The following ITGB3 variants were observed in gnomAD, a reference collection of about 807,000 sequenced individuals.
ITGB3 encodes the protein integrin beta-3.
ITGB3 carries 48 observed loss-of-function variants against 85.8 expected under a neutral mutation model. The observed-to-expected ratio is 0.56, with a 90% confidence interval of 0.44 to 0.71. ITGB3 has a LOEUF of 0.71. Among genes scored for constraint, ITGB3 ranks in the 30% least tolerant of loss-of-function variants. ITGB3 has a pLI of 0.00. For missense variants in ITGB3, 861 were observed against 1,019.1 expected, an observed-to-expected ratio of 0.84 and a Z score of 2.11; for synonymous variants, 363 against 395.6, an observed-to-expected ratio of 0.92 and a Z score of 0.98.
intron 14 of ITGB3, among the ~76,000 whole-genome samples, chr17:47,308,542 C>T (rs888642816): frequency 6.6e-6 from 1 of 152,140 alleles, no homozygotes; most frequent in Non-Finnish European, 1.5e-5. Context: ...GAGTCTTGCT[C>T]TGTCACCCAG....
rs2065221631 is a variant in ITGB3 at position 47,312,995 on chromosome 17, C to A, written c.*2791C>A. ...CCATGATTTTTTTTTTAATTTGAGA[C>A]AAAGCCTCACTCTTGTTGCCCAAGC... On this transcript the variant is annotated 3_prime_UTR_variant, in exon 15 of 15. Coordinates refer to ENST00000559488, the MANE Select transcript of ITGB3 (RefSeq NM_000212.3). Among the ~76,000 whole-genome samples, 2 of 152,042 alleles carry A rather than the reference C, an allele frequency of 1.3e-5. No homozygotes were observed. The highest frequency in any genetic ancestry group is 1.3e-4 in the Admixed American group (2 of 15,262).
chr17:47,268,139 C>A (rs1424789167), intron 1 of ITGB3, among the ~76,000 whole-genome samples: 1 of 152,166 alleles, frequency 6.6e-6, no homozygotes, highest in Non-Finnish European at 1.5e-5. Flanking sequence ...TAACTGCCCC[C>A]ATGATTCAAT....
chr17:47,288,039 C>T (rs1025599050), intron 6 of ITGB3, among the ~76,000 whole-genome samples: 2 of 148,812 alleles, frequency 1.3e-5, no homozygotes, highest in Non-Finnish European at 3.0e-5. Flanking sequence ...GCTGGGACCA[C>T]AGGCATGCAC....
intron 1 of ITGB3, among the ~76,000 whole-genome samples, chr17:47,266,647 A>C (rs1255548885): frequency 6.6e-6 from 1 of 152,118 alleles, no homozygotes; most frequent in East Asian, 1.9e-4. Context: ...GCACAATCAC[A>C]GCTCACTGCA....
chr17:47,261,357 T>C (rs143734660), intron 1 of ITGB3, among the ~76,000 whole-genome samples: 49 of 152,292 alleles, frequency 3.2e-4, no homozygotes, highest in African/African-American at 1.1e-3. Flanking sequence ...CTCAGAAATA[T>C]AATGCAGAAA....
chr17:47,262,854 T>C (rs1176317525), intron 1 of ITGB3, among the ~76,000 whole-genome samples: 1 of 152,218 alleles, frequency 6.6e-6, no homozygotes, highest in Non-Finnish European at 1.5e-5. Flanking sequence ...TGAACATTTA[T>C]TGAGCATCCA....
intron 10 of ITGB3, among the ~76,000 whole-genome samples, chr17:47,295,287 C>T (rs2065141322): frequency 6.6e-6 from 1 of 152,064 alleles, no homozygotes; most frequent in African/African-American, 2.4e-5. Flanking sequence ...AGAGGAGGGG[C>T]AGGCTCAGGA....
rs938029244 is a variant in ITGB3, at chr17:47,307,703, T to G, written c.2301+66T>G. On this transcript the variant is annotated intron_variant, in intron 14 of 14. Coordinates refer to ENST00000559488, the MANE Select transcript of ITGB3 (RefSeq NM_000212.3). ...GAGACTCTTAAGTGGAAGCAGCAGA[T>G]GCTTTGGGTGGTCATGTTCAGCCAG... is the stretch of plus-strand genomic sequence containing the variant. 3 of 1,494,556 alleles carry G rather than the reference T, an allele frequency of 2.0e-6. No homozygotes were observed. In the African/African-American group the frequency reaches 4.1e-5, roughly 21 times the overall value. The allele number at this position is 1,494,556 out of a possible 1,614,324, so 92.6% of individuals were successfully genotyped here.
chr17:47,272,934 C>A (rs533844084), intron 1 of ITGB3, among the ~76,000 whole-genome samples: 1 of 151,882 alleles, frequency 6.6e-6, no homozygotes, highest in Non-Finnish European at 1.5e-5. Context: ...CCACCACGCC[C>A]GGCTAATTTT....
chr17:47,312,203 A>C lies in ITGB3; in HGVS notation c.*1999A>C, dbSNP rs942351235. On this transcript the variant is annotated 3_prime_UTR_variant, in exon 15 of 15. Coordinates refer to ENST00000559488, the MANE Select transcript of ITGB3 (RefSeq NM_000212.3). The stretch of plus-strand genomic sequence containing the variant: ...AGCACTTAAGCTTCATTTAGTTATT[A>C]TTTCTTTCTTCACTTTGCACACATT... 1.3e-5 allele frequency among the ~76,000 whole-genome samples: 2 copies of C among 152,200 alleles called. No homozygotes were observed. The highest frequency in any genetic ancestry group is 4.8e-5 in the African/African-American group (2 of 41,440).
intron 13 of ITGB3, among the ~76,000 whole-genome samples, chr17:47,304,183 CACACAGGGCCA>C (rs2065178383): frequency 6.6e-6 from 1 of 152,194 alleles, no homozygotes; most frequent in Non-Finnish European, 1.5e-5. Context: ...TGTGAGCCAA[CACACAGGGCCA>C]ACATTTCCTA....
intron 1 of ITGB3, among the ~76,000 whole-genome samples, chr17:47,266,601 AG>A (rs1472272701): frequency 1.3e-5 from 2 of 152,148 alleles, no homozygotes; most frequent in Non-Finnish European, 2.9e-5. Context: ...TTTTTGAGGC[AG>A]GGTCTCACTT....
intron 12 of ITGB3, among the ~76,000 whole-genome samples, chr17:47,301,392 G>C (rs543472846): frequency 1.4e-4 from 21 of 152,324 alleles, no homozygotes; most frequent in African/African-American, 5.0e-4. Context: ...TTCCTGGTGG[G>C]CGTGTTATAG....
rs1377012036 is a variant in ITGB3, at chr17:47,310,204, A to G, written c.2367A>G (p.Ter789=). The part of the protein sequence containing the change: ...TFTNITYRGT[*] The stretch of plus-strand genomic sequence containing the variant: ...CCAATATCACGTACCGGGGCACTTA[A>G]TGATAAGCAGTCATCCTCAGATCAT... The change falls in exon 15 of 15, where the codon TAA becomes TAG. Residue 789 remains the stop codon, a stop_retained_variant. Coordinates refer to ENST00000559488, the MANE Select transcript of ITGB3 (RefSeq NM_000212.3). 1 of 1,613,438 alleles carries G rather than the reference A, an allele frequency of 6.2e-7. No homozygotes were observed. The highest frequency in any genetic ancestry group is 1.7e-5 in the Admixed American group (1 of 60,016).
At chr17:47,303,000 C>G (rs1004122170) in intron 13 of ITGB3, among the ~76,000 whole-genome samples, 160 bp downstream of exon 13, 6 of 152,202 alleles carry the variant, frequency 3.9e-5, no homozygotes, top group Admixed American at 1.3e-4. Flanking sequence ...GTAATCCCAG[C>G]AGTTTGGAAG....
At chr17:47,277,178 G>A (rs2065066973) in intron 2 of ITGB3, among the ~76,000 whole-genome samples, 1 of 152,102 alleles carries the variant, frequency 6.6e-6, no homozygotes, top group Non-Finnish European at 1.5e-5. Flanking sequence ...CAAAGAGGCG[G>A]GCTTTATACA....
At position 47,283,449 on chromosome 17, in the gene ITGB3, C is replaced by G. The variant is rs747991001; in HGVS notation, c.261C>G (p.Ala87=). The G allele has an allele frequency of 1.2e-6, 2 of 1,614,044 alleles. No individual in the cohort carries two copies. Among genetic ancestry groups the G allele is most frequent in the African/African-American group, 2.7e-5 (2 of 74,920 alleles). The change falls in exon 3 of 15, where the codon GCC becomes GCG. Residue 87 remains alanine (A), a synonymous_variant. Transcript: ENST00000559488. ...PESIEFPVSE[A]RVLEDRPLSD... ...CCATCGAGTTCCCAGTGAGTGAGGC[C>G]CGAGTACTAGAGGACAGGCCCCTCA...
Position 47,274,462 on chromosome 17 carries a change from G to GT in ITGB3, c.124dup (p.Cys42LeufsTer13). 1 of 1,613,848 alleles carries GT rather than the reference G, an allele frequency of 6.2e-7. No individual in the cohort carries two copies. Among genetic ancestry groups the GT allele is most frequent in the Non-Finnish European group, 8.5e-7 (1 of 1,179,974 alleles). ...CGCGAGGTGTGAGCTCCTGCCAGCA[G>GT]TGCCTGGCTGTGAGCCCCATGTGTG... On this transcript the variant is annotated frameshift_variant, in exon 2 of 15. Transcript: ENST00000559488. LOFTEE classifies it high-confidence loss of function.
At chr17:47,293,632 C>T (rs2065135528) in intron 10 of ITGB3, among the ~76,000 whole-genome samples, 1 of 150,848 alleles carries the variant, frequency 6.6e-6, no homozygotes, top group South Asian at 2.1e-4. Flanking sequence ...TTTTTTGAGA[C>T]GGAGTCTTGC....
Sources: gnomAD v4.1 joint callset for allele counts (sites outside exome capture counted in the v4.1 genomes callset) on GRCh38, gnomAD v4.1.1 for gene constraint, MANE v1.5 for transcripts, NCBI Gene and HGNC (gene_info 2026-07-23, HGNC 2026-07-21) for gene names.